Variants in LMBR1L observed in about 807,000 individuals in gnomAD.
LMBR1L encodes protein LMBR1L.
In LMBR1L, 47 loss-of-function variants were observed where a neutral mutation model predicts 67.3. The ratio of observed to expected loss-of-function variants is 0.70; its 90% CI spans 0.55 to 0.89. The LOEUF (loss-of-function observed/expected upper bound fraction) is 0.89, where lower values mean the gene tolerates loss of function less well. LMBR1L is among the 40% of genes least tolerant of loss of function. LMBR1L has a pLI of 0.00. For missense variants in LMBR1L, 533 were observed against 599.2 expected, an observed-to-expected ratio of 0.89 and a Z score of 1.15; for synonymous variants, 247 against 250.3, an observed-to-expected ratio of 0.99 and a Z score of 0.13.
At position 49,100,657 on chromosome 12, in the gene LMBR1L, A is replaced by C. The variant is rs1284670249; in HGVS notation, c.1083-11T>G. ...GACACCATTAGGTAACTGCCACTGC[A>C]TTAAGGAAGAACTGGCTGGCTCCAA... On this transcript the variant is annotated splice_polypyrimidine_tract_variant and intron_variant, in intron 13 of 16. Transcript: ENST00000267102. The C allele has an allele frequency of 6.3e-7, 1 of 1,597,518 alleles. No individual in the cohort carries two copies.
Position 49,097,627 on chromosome 12 carries a change from C to A in LMBR1L, c.*45G>T, listed in dbSNP as rs1299382479. On this transcript the variant is annotated 3_prime_UTR_variant, in exon 17 of 17. Transcript: ENST00000267102. ...TGGGCTTCCCTCCAGGCCTAGGCAG[C>A]AGATGGCAGTGTCCAGTTTTTTCCT... The A allele has an allele frequency of 1.9e-6, 3 of 1,591,508 alleles. No individual in the cohort carries two copies. In the Admixed American group the frequency reaches 5.0e-5, roughly 27 times the overall value.
intron 13 of LMBR1L, 169 bp downstream of exon 13, chr12:49,101,081 A>C (rs575348530): frequency 3.6e-4 from 528 of 1,449,308 alleles, no homozygotes; most frequent in Non-Finnish European, 4.7e-4. Flanking sequence ...CCTCCTTTCA[A>C]ATTAAGTCTT....
At chr12:49,103,545 G>T in intron 6 of LMBR1L, 142 bp downstream of exon 6, 1 of 991,272 alleles carries the variant, frequency 1.0e-6, no homozygotes, top group Non-Finnish European at 1.5e-6. Context: ...ATTGCATTTG[G>T]CCAGATGTCT....
In LMBR1L at chr12:49,106,534, G is replaced by A. The variant is rs140006762; in HGVS notation, c.157+427C>T. 893 of 1,297,060 alleles carry A rather than the reference G, an allele frequency of 6.9e-4. 9 individuals carry two copies. In the East Asian group the frequency reaches 0.034, roughly 49 times the overall value. 80.3% of individuals were successfully genotyped at this position (1,297,060 alleles called of 1,614,324 possible). On this transcript the variant is annotated intron_variant, in intron 2 of 16. Coordinates refer to ENST00000267102, the MANE Select transcript of LMBR1L (RefSeq NM_018113.4). ...ACTCAGGCTCCCCATAAAGAGAAAG[G>A]CCACCATCACCAGGTTCCCCAGTCA... is the stretch of plus-strand genomic sequence containing the variant.
intron 1 of LMBR1L, among the ~76,000 whole-genome samples, chr12:49,108,295 G>A (rs145061092): frequency 6.6e-6 from 1 of 151,866 alleles, no homozygotes. Flanking sequence ...TGGGCGCAGT[G>A]GCTCACGCCT....
At chr12:49,100,975 C>T (rs541896148) in intron 13 of LMBR1L, 47 of 601,042 alleles carry the variant, frequency 7.8e-5, no homozygotes, top group Non-Finnish European at 1.2e-4. Flanking sequence ...GCAATCTACC[C>T]GCCTCAGCCT....
In LMBR1L at chr12:49,110,289, A is replaced by G. The variant is rs1592235484; in HGVS notation, c.72+195T>C. The G allele has an allele frequency of 1.8e-5, 11 of 609,328 alleles. No homozygotes were observed. In the East Asian group the frequency reaches 3.1e-4, roughly 17 times the overall value. The allele number at this position is 609,328 out of a possible 1,614,324, so 37.7% of individuals were successfully genotyped here. ...GGAACGGAAACGACGGCCTTTGTTT[A>G]TCGCTCAGGGACCCAGCTGATCCCA... On this transcript the variant is annotated intron_variant, in intron 1 of 16. Coordinates refer to ENST00000267102, the MANE Select transcript of LMBR1L (RefSeq NM_018113.4).
chr12:49,105,047 CCCCA>C, intron 3 of LMBR1L, 162 bp from the exon 4 acceptor site: 1 of 725,544 alleles, frequency 1.4e-6, no homozygotes, highest in Non-Finnish European at 2.2e-6. Flanking sequence ...CCCACTGCCA[CCCCA>C]CCCTAGCTCT....
Position 49,102,215 on chromosome 12 carries a change from C to T in LMBR1L, c.854-19G>A, listed in dbSNP as rs1357437939. Reference sequence around the variant, plus strand: ...CTCTTCTCTGTGCAGGGATGGGAGGCTGTCAGCAAGCACCTGGAACCAGGG... The same window carrying T: ...CTCTTCTCTGTGCAGGGATGGGAGGTTGTCAGCAAGCACCTGGAACCAGGG... On this transcript the variant is annotated intron_variant, in intron 10 of 16. Transcript: ENST00000267102. The T allele has an allele frequency of 1.2e-6, 2 of 1,613,936 alleles. No homozygotes were observed. Among genetic ancestry groups the T allele is most frequent in the African/African-American group, 2.7e-5 (2 of 74,934 alleles).
chr12:49,104,072 G>T, intron 5 of LMBR1L: 1 of 496,938 alleles, frequency 2.0e-6, no homozygotes, highest in Non-Finnish European at 3.5e-6. Flanking sequence ...TGACCTCCGA[G>T]GTCTGCATCC....
chr12:49,104,139 A>T, intron 5 of LMBR1L: 1 of 470,830 alleles, frequency 2.1e-6, no homozygotes, highest in Non-Finnish European at 3.8e-6. Context: ...GGTAGAAAAA[A>T]GGTGAGGGTA....
At position 49,102,517 on chromosome 12, in the gene LMBR1L, C is replaced by T. The variant is rs777810712; in HGVS notation, c.720G>A (p.Gln240=). The T allele has an allele frequency of 1.5e-5, 25 of 1,614,060 alleles. No homozygotes were observed. In the Admixed American group the frequency reaches 4.0e-4, roughly 26 times the overall value. ...CCTCCTCAAAGGCTGAGCAGTACAG[C>T]TGCTCCTCCAGGTCTTCCAGCAGCT... ...KPRLLEDLEE[Q]LYCSAFEEAA... The change falls in exon 9 of 17, where the codon CAG becomes CAA. Residue 240 remains glutamine, a synonymous_variant. Transcript: ENST00000267102.
At chr12:49,106,443 T>G (rs1358374444) in intron 2 of LMBR1L, 1 of 554,532 alleles carries the variant, frequency 1.8e-6, no homozygotes, top group Non-Finnish European at 3.1e-6. Context: ...AGCTAGGAAC[T>G]GGGGCAAGTG....
Position 49,104,734 on chromosome 12 carries a change from G to A in LMBR1L, c.331+12C>T, listed in dbSNP as rs1199589026. On this transcript the variant is annotated intron_variant, in intron 4 of 16. Transcript: ENST00000267102. The stretch of plus-strand genomic sequence containing the variant: ...CTATCCCTACCCCAAGCAGCTTCCA[G>A]GAGCCACACACCATGGATGAGGGAG... 1 of 1,613,218 alleles carries A rather than the reference G, an allele frequency of 6.2e-7. No individual in the cohort carries two copies. Among genetic ancestry groups the A allele is most frequent in the Non-Finnish European group, 8.5e-7 (1 of 1,179,636 alleles).
rs184573212 is a variant in LMBR1L at position 49,097,430 on chromosome 12, G to C, written c.*242C>G. 237 of 548,160 alleles carry C rather than the reference G, an allele frequency of 4.3e-4. 1 individual carries two copies. The highest frequency in any genetic ancestry group is 3.9e-3 in the African/African-American group (205 of 53,176). 34.0% of individuals were successfully genotyped at this position (548,160 alleles called of 1,614,324 possible). A position where few individuals can be genotyped will look rare whatever the true frequency, so the allele number is the denominator to read the frequency against. ...TGATGTGTAAACAGATTTGGGATCA[G>C]GGGCTAGACCCAGTCACCCAGCCCT... is the stretch of plus-strand genomic sequence containing the variant. On this transcript the variant is annotated 3_prime_UTR_variant, in exon 17 of 17. Coordinates refer to ENST00000267102, the MANE Select transcript of LMBR1L (RefSeq NM_018113.4).
intron 15 of LMBR1L, among the ~76,000 whole-genome samples, chr12:49,099,639 T>C (rs1398398043): frequency 2.6e-5 from 4 of 151,544 alleles, no homozygotes; most frequent in Admixed American, 2.0e-4. Context: ...TGGAGTGCAA[T>C]GGCGTGAGCT....
In LMBR1L at chr12:49,110,405, C is replaced by CT. The variant is rs540763991; in HGVS notation, c.72+78dup. The CT allele has an allele frequency of 1.6e-4, 229 of 1,399,544 alleles. 1 individual carries two copies. The Admixed American group carries it at 3.5e-3, about 22-fold the overall frequency. 86.7% of individuals were successfully genotyped at this position (1,399,544 alleles called of 1,614,324 possible). On this transcript the variant is annotated intron_variant, in intron 1 of 16. Transcript: ENST00000267102. ...GGCCCAGGCATGGTTTGACGGCACTCTGAGACCAGGTGGGCTCGGACCCCA... is the reference window on the plus strand; with the variant it reads ...GGCCCAGGCATGGTTTGACGGCACTCTTGAGACCAGGTGGGCTCGGACCCCA...
At chr12:49,104,194 G>A in intron 5 of LMBR1L, 1 of 515,360 alleles carries the variant, frequency 1.9e-6, no homozygotes. Context: ...GGTTTTGGCA[G>A]TGATTATGAC....
rs901116060 is a variant in LMBR1L at position 49,097,956 on chromosome 12, T to G, written c.1390A>C (p.Ile464Leu). The G allele has an allele frequency of 6.2e-7, 1 of 1,612,638 alleles. No homozygotes were observed. Among genetic ancestry groups the G allele is most frequent in the Non-Finnish European group, 8.5e-7 (1 of 1,178,818 alleles). ...TFTAAVRAELIRAFGLDRLPL... is the reference protein window; with the variant it reads ...TFTAAVRAELLRAFGLDRLPL... ...CACTCCCTCTCACCAAAGGCCCGGA[T>G]CAGCTCTGCCCGCACAGCTGCAGTG... The change falls in exon 16 of 17, where the codon ATC (isoleucine) becomes CTC (leucine). Residue 464 changes from isoleucine to leucine, a missense_variant. Coordinates refer to ENST00000267102, the MANE Select transcript of LMBR1L (RefSeq NM_018113.4).
Sources: allele counts gnomAD v4.1 joint callset (sites outside exome capture counted in the v4.1 genomes callset), GRCh38; gene constraint gnomAD v4.1.1; transcripts MANE v1.5; gene names NCBI Gene and HGNC (gene_info 2026-07-23, HGNC 2026-07-21).